The following SLC35F1 variants were observed in gnomAD, a reference collection of about 807,000 sequenced individuals.
SLC35F1 encodes the protein chromosome 6 open reading frame 169.
SLC35F1 carries 14 observed loss-of-function variants against 48.7 expected under a neutral mutation model. The ratio of observed to expected loss-of-function variants is 0.29; its 90% confidence interval spans 0.19 to 0.45. SLC35F1 has a LOEUF of 0.45. Among genes scored for constraint, SLC35F1 ranks in the 20% least tolerant of loss-of-function variants. The pLI, the probability that SLC35F1 is intolerant of heterozygous loss-of-function variation, is 1.00. For synonymous variants in SLC35F1, 190 were observed against 202.2 expected, an observed-to-expected ratio of 0.94 and a Z score of 0.51; for missense variants, 404 against 500.0, an observed-to-expected ratio of 0.81 and a Z score of 1.83.
chr6:118,125,849 A>C (rs931525661), intron 1 of SLC35F1, among the ~76,000 whole-genome samples: 10 of 152,216 alleles, frequency 6.6e-5, no homozygotes, highest in African/African-American at 2.4e-4. Context: ...TCAACTGGCC[A>C]GCTCAGGGAT....
At chr6:117,913,281 T>C (rs561836057) in intron 1 of SLC35F1, among the ~76,000 whole-genome samples, 1 of 152,344 alleles carries the variant, frequency 6.6e-6, no homozygotes, top group East Asian at 1.9e-4. Flanking sequence ...TGTTTCTTAA[T>C]GGTAACATGA....
chr6:118,214,533 G>A (rs1020605296), intron 2 of SLC35F1, among the ~76,000 whole-genome samples: 3 of 152,068 alleles, frequency 2.0e-5, no homozygotes, highest in Non-Finnish European at 4.4e-5. Context: ...ACCTTTTTGG[G>A]CAACACATCC....
Position 117,915,791 on chromosome 6 carries a change from A to G in SLC35F1, c.173+7892A>G, listed in dbSNP as rs572221287. 2.6e-5 allele frequency among the ~76,000 whole-genome samples: 4 copies of G among 152,252 alleles called. No individual in the cohort carries two copies. In the South Asian group the frequency reaches 8.3e-4, roughly 32 times the overall value. On this transcript the variant is annotated intron_variant, in intron 1 of 7. Transcript: ENST00000360388. Reference sequence around the variant, plus strand: ...TATAGGACAAAAGGAGAAGGAAAAGACCAGAGTTTGGGGATCAGTTAGGAG... The same window carrying G: ...TATAGGACAAAAGGAGAAGGAAAAGGCCAGAGTTTGGGGATCAGTTAGGAG...
intron 2 of SLC35F1, among the ~76,000 whole-genome samples, chr6:118,208,327 G>A (rs1018098726): frequency 6.6e-6 from 1 of 152,178 alleles, no homozygotes; most frequent in East Asian, 1.9e-4. Context: ...ACCCTGGGAA[G>A]TAATTTTATC....
chr6:118,279,366 G>A (rs965023214), intron 6 of SLC35F1, among the ~76,000 whole-genome samples: 8 of 152,134 alleles, frequency 5.3e-5, no homozygotes, highest in African/African-American at 1.4e-4. Context: ...GTAGGGTTGC[G>A]TTTGGGATGT....
At chr6:118,216,925 G>A (rs149592403) in intron 2 of SLC35F1, among the ~76,000 whole-genome samples, 16 of 152,180 alleles carry the variant, frequency 1.1e-4, no homozygotes, top group South Asian at 2.1e-4. Flanking sequence ...ACATAGAGTG[G>A]CCTTAAGTTG....
intron 1 of SLC35F1, among the ~76,000 whole-genome samples, chr6:117,992,935 A>G (rs559187965): frequency 1.3e-5 from 2 of 152,372 alleles, no homozygotes; most frequent in East Asian, 1.9e-4. Flanking sequence ...AAATCACACC[A>G]TAATGATGCC....
At chr6:118,253,174 A>C (rs1226453781) in intron 3 of SLC35F1, among the ~76,000 whole-genome samples, 1 of 152,118 alleles carries the variant, frequency 6.6e-6, no homozygotes, top group Non-Finnish European at 1.5e-5. Context: ...CATTATGGCA[A>C]AATCCTGAGA....
At chr6:118,279,653 A>G (rs1775958419) in intron 6 of SLC35F1, among the ~76,000 whole-genome samples, 1 of 152,190 alleles carries the variant, frequency 6.6e-6, no homozygotes, top group South Asian at 2.1e-4. Flanking sequence ...CAGCCACTGC[A>G]ATTCATGGGT....
chr6:117,968,434 TGAG>T (rs1236348749), intron 1 of SLC35F1, among the ~76,000 whole-genome samples: 2 of 152,164 alleles, frequency 1.3e-5, no homozygotes, highest in African/African-American at 4.8e-5. Flanking sequence ...TTTTGGATGT[TGAG>T]GAGCAGTAGG....
intron 7 of SLC35F1, 130 bp from the exon 8 acceptor site, chr6:118,313,898 C>A (rs1268343322): frequency 2.6e-6 from 2 of 759,062 alleles, no homozygotes; most frequent in African/African-American, 1.7e-5. Context: ...TCTCCATCAA[C>A]GGTGTTGGCC....
At chr6:118,183,218 G>A (rs1774608537) in intron 2 of SLC35F1, among the ~76,000 whole-genome samples, 1 of 152,132 alleles carries the variant, frequency 6.6e-6, no homozygotes, top group Non-Finnish European at 1.5e-5. Context: ...CAAATGATTG[G>A]TTGGCATGTT....
intron 1 of SLC35F1, among the ~76,000 whole-genome samples, chr6:118,000,985 C>G (rs6935836): frequency 0.99 from 151,036 of 151,908 alleles, 75,089 homozygotes; most frequent in Middle Eastern, 1. Context: ...CCATGCTCAT[C>G]GGTAGGAAGA....
In SLC35F1 at chr6:118,070,816, ATATACTATG is replaced by A. The variant is rs1254871717; in HGVS notation, c.174-83623_174-83615del. Among the ~76,000 whole-genome samples the A allele has an allele frequency of 6.9e-5, 10 of 145,220 alleles. No homozygotes were observed. In the East Asian group the frequency reaches 2.0e-3, roughly 29 times the overall value. On this transcript the variant is annotated intron_variant, in intron 1 of 7. Coordinates refer to ENST00000360388, the MANE Select transcript of SLC35F1 (RefSeq NM_001029858.4). ...CCAATATAGTGATATTATATACTATATATACTATGTATACATATATTCTATGTATATATA... is the reference window on the plus strand; with the variant it reads ...CCAATATAGTGATATTATATACTATATATACATATATTCTATGTATATATA...
chr6:118,001,603 A>G (rs1050382293), intron 1 of SLC35F1, among the ~76,000 whole-genome samples: 1 of 151,946 alleles, frequency 6.6e-6, no homozygotes, highest in Admixed American at 6.6e-5. Flanking sequence ...GACAAATGGG[A>G]TCTAATTAAA....
intron 1 of SLC35F1, among the ~76,000 whole-genome samples, chr6:117,955,279 ATACT>A (rs1475638824): frequency 2.6e-5 from 4 of 152,254 alleles, no homozygotes; most frequent in African/African-American, 9.6e-5. Context: ...GCAAAAATGA[ATACT>A]TAAACTGCAT....
intron 1 of SLC35F1, among the ~76,000 whole-genome samples, chr6:117,977,326 C>G: frequency 6.6e-6 from 1 of 151,630 alleles, no homozygotes; most frequent in Admixed American, 6.6e-5. Context: ...CCTCCCAAGG[C>G]TTTTGACATA....
chr6:118,251,202 C>T (rs1446449926), intron 3 of SLC35F1, among the ~76,000 whole-genome samples: 1 of 152,098 alleles, frequency 6.6e-6, no homozygotes, highest in Non-Finnish European at 1.5e-5. Flanking sequence ...GTGGGAGGAT[C>T]ACTTGAGCCC....
At position 118,131,055 on chromosome 6, in the gene SLC35F1, G is replaced by T. The variant is rs1340302575; in HGVS notation, c.174-23390G>T. Among the ~76,000 whole-genome samples, 3 of 152,266 alleles carry T rather than the reference G, an allele frequency of 2.0e-5. No homozygotes were observed. The East Asian group carries it at 5.8e-4, about 29-fold the overall frequency. On this transcript the variant is annotated intron_variant, in intron 1 of 7. Transcript: ENST00000360388. ...TATGAATTGTCACTGTTTGGCTAAAGTAGAAGGTTGGGCATAGTCAGCATA... is the reference window on the plus strand; with the variant it reads ...TATGAATTGTCACTGTTTGGCTAAATTAGAAGGTTGGGCATAGTCAGCATA...
Sources: gnomAD v4.1 joint callset for allele counts (sites outside exome capture counted in the v4.1 genomes callset) on GRCh38, gnomAD v4.1.1 for gene constraint, MANE v1.5 for transcripts, NCBI Gene and HGNC (gene_info 2026-07-23, HGNC 2026-07-21) for gene names.